Variants in SUMF1 observed in about 807,000 individuals in gnomAD.
SUMF1 encodes formylglycine-generating enzyme.
SUMF1 carries 48 observed loss-of-function variants against 47.6 expected under a neutral mutation model. The ratio of observed to expected loss-of-function variants is 1.01; its 90% CI spans 0.80 to 1.28. The LOEUF is 1.28. SUMF1 is among the 50% of genes most tolerant of loss of function. SUMF1 has a pLI of 0.00. For missense variants in SUMF1, 571 were observed against 485.4 expected (o/e 1.18, Z -1.66); for synonymous variants, 230 against 192.1 (o/e 1.20, Z -1.63).
chr3:4,124,174 C>T (rs1036695163), intron 8 of SUMF1, among the ~76,000 whole-genome samples: 3 of 152,134 alleles, frequency 2.0e-5, no homozygotes, highest in African/African-American at 7.2e-5. Flanking sequence ...TAGCTTTACA[C>T]GCCACCTCCC....
intron 8 of SUMF1, among the ~76,000 whole-genome samples, chr3:4,289,474 C>T (rs1441274945): frequency 1.3e-5 from 2 of 152,186 alleles, no homozygotes; most frequent in African/African-American, 2.4e-5. Context: ...GGTGTTCTTA[C>T]ATTACTACAC....
intron 8 of SUMF1, chr3:4,313,737 C>T: frequency 6.2e-7 from 1 of 1,614,052 alleles, no homozygotes; most frequent in Non-Finnish European, 8.5e-7. Context: ...CTGTGTTCCC[C>T]TCCTGCAAGC....
chr3:4,455,425 T>G (rs1190217843), intron 1 of SUMF1, among the ~76,000 whole-genome samples: 2 of 152,050 alleles, frequency 1.3e-5, no homozygotes, highest in Admixed American at 6.6e-5. Context: ...ATAAATAATT[T>G]TAAAAATTGG....
At chr3:4,309,622 C>T (rs553130410) in intron 8 of SUMF1, among the ~76,000 whole-genome samples, 2 of 152,304 alleles carry the variant, frequency 1.3e-5, no homozygotes, top group African/African-American at 2.4e-5. Context: ...TTCCCACCAC[C>T]TTCCCCCTTC....
At chr3:4,223,501 T>C (rs75161479) in intron 8 of SUMF1, among the ~76,000 whole-genome samples, 3,239 of 152,196 alleles carry the variant, frequency 0.021, 115 homozygotes, top group African/African-American at 0.073. Flanking sequence ...TTCATCACTT[T>C]CCTTGAGGAT....
chr3:4,335,960 C>CAAAAAAAAAAAAAAAAAAAAA (rs770091674), intron 8 of SUMF1, among the ~76,000 whole-genome samples: 23 of 73,890 alleles, frequency 3.1e-4, no homozygotes, highest in African/African-American at 1.4e-3. Flanking sequence ...GATTCCAACT[C>CAAAAAAAAAAAAAAAAAAAAA]AAAAAAAAAA....
intron 9 of SUMF1, among the ~76,000 whole-genome samples, chr3:4,056,163 A>C (rs1415410410): frequency 6.6e-6 from 1 of 152,030 alleles, no homozygotes; most frequent in African/African-American, 2.4e-5. Context: ...TAACATATTC[A>C]CAGGTTTCTG....
chr3:4,231,819 C>T (rs1696305838), intron 8 of SUMF1, among the ~76,000 whole-genome samples: 1 of 152,112 alleles, frequency 6.6e-6, no homozygotes. Flanking sequence ...AAACAAAAAT[C>T]ATCCTACCTT....
intron 8 of SUMF1, among the ~76,000 whole-genome samples, chr3:4,134,937 C>T (rs1046311390): frequency 6.6e-6 from 1 of 152,152 alleles, no homozygotes; most frequent in East Asian, 1.9e-4. Context: ...AGTTGAATCT[C>T]TGAATAGACC....
chr3:4,356,376 C>G (rs1432898230), downstream of SUMF1, among the ~76,000 whole-genome samples: 2 of 152,168 alleles, frequency 1.3e-5, no homozygotes, highest in Non-Finnish European at 2.9e-5. Context: ...GCCAGTGGCT[C>G]TGCTGAGATC....
At chr3:4,160,388 A>G (rs2125113056) in intron 8 of SUMF1, among the ~76,000 whole-genome samples, 1 of 151,954 alleles carries the variant, frequency 6.6e-6, no homozygotes, top group South Asian at 2.1e-4. Flanking sequence ...TACAAGTATG[A>G]GCCACCACAC....
intron 8 of SUMF1, among the ~76,000 whole-genome samples, chr3:4,256,679 C>T (rs1208822376): frequency 6.6e-6 from 1 of 152,034 alleles, no homozygotes; most frequent in Non-Finnish European, 1.5e-5. Context: ...CCAAATTCTA[C>T]CAGAGGTACA....
At chr3:4,315,342 T>C (rs1698593583) in intron 8 of SUMF1, among the ~76,000 whole-genome samples, 1 of 152,228 alleles carries the variant, frequency 6.6e-6, no homozygotes, top group Non-Finnish European at 1.5e-5. Flanking sequence ...TGGCTCACCA[T>C]TTGATTCTGC....
chr3:4,297,656 A>G (rs1046477042), intron 8 of SUMF1, among the ~76,000 whole-genome samples: 2 of 145,878 alleles, frequency 1.4e-5, no homozygotes, highest in African/African-American at 5.2e-5. Context: ...CCATCCTCCT[A>G]CCTCAGCTTC....
chr3:4,215,704 T>C (rs1268736154), intron 8 of SUMF1, among the ~76,000 whole-genome samples: 4 of 152,116 alleles, frequency 2.6e-5, no homozygotes, highest in Non-Finnish European at 5.9e-5. Context: ...AGTCTCAGGA[T>C]ACAAAATCAA....
chr3:4,466,236 C>G (rs1039874482), intron 1 of SUMF1, among the ~76,000 whole-genome samples: 3 of 145,506 alleles, frequency 2.1e-5, no homozygotes, highest in Non-Finnish European at 4.6e-5. Flanking sequence ...CTCAGCCTCC[C>G]GAGTAGCTGG....
intron 8 of SUMF1, among the ~76,000 whole-genome samples, chr3:4,262,340 C>CA (rs1299246807): frequency 6.6e-6 from 1 of 152,124 alleles, no homozygotes; most frequent in African/African-American, 2.4e-5. Context: ...TATGACTTCC[C>CA]AATTCACTTC....
intron 8 of SUMF1, among the ~76,000 whole-genome samples, chr3:4,122,835 A>G (rs1446134482): frequency 6.6e-6 from 1 of 152,190 alleles, no homozygotes; most frequent in East Asian, 1.9e-4. Flanking sequence ...CAGGCTCAGC[A>G]GCAGGATCTG....
At chr3:4,092,869 A>G (rs1692818364) in intron 8 of SUMF1, among the ~76,000 whole-genome samples, 1 of 152,130 alleles carries the variant, frequency 6.6e-6, no homozygotes, top group South Asian at 2.1e-4. Flanking sequence ...TAAGGCTGAT[A>G]ATAGTCATGG....
Sources: allele counts gnomAD v4.1 joint callset (sites outside exome capture counted in the v4.1 genomes callset), GRCh38; gene constraint gnomAD v4.1.1; transcripts MANE v1.5; gene names NCBI Gene and HGNC (gene_info 2026-07-23, HGNC 2026-07-21).